The following TRERF1 variants were observed in gnomAD, a reference collection of about 807,000 sequenced individuals.
TRERF1 encodes transcriptional regulating factor 1.
In TRERF1, 27 loss-of-function variants were observed where a neutral mutation model predicts 122.9. The observed-to-expected ratio is 0.22, with a 90% CI of 0.16 to 0.30. The LOEUF (loss-of-function observed/expected upper bound fraction) is 0.30. Ranked by LOEUF, TRERF1 falls within the 10% of genes least tolerant of loss-of-function variation. TRERF1 has a pLI of 1.00. For missense variants in TRERF1, 1,248 were observed against 1,560.3 expected, an observed-to-expected ratio of 0.80 and a Z score of 3.37; for synonymous variants, 636 against 641.7, an observed-to-expected ratio of 0.99 and a Z score of 0.13.
intron 3 of TRERF1, among the ~76,000 whole-genome samples, chr6:42,312,242 A>G (rs1404593510): frequency 6.6e-6 from 1 of 152,128 alleles, no homozygotes; most frequent in Non-Finnish European, 1.5e-5. Context: ...GTCTGAATGG[A>G]ACCTTCCTAT....
chr6:42,378,422 G>A (rs1020612004), intron 2 of TRERF1, among the ~76,000 whole-genome samples: 10 of 150,838 alleles, frequency 6.6e-5, no homozygotes, highest in South Asian at 4.2e-4. Flanking sequence ...TAAAGTAACC[G>A]GCACTGAGAA....
At chr6:42,304,679 C>A (rs886656923) in intron 3 of TRERF1, among the ~76,000 whole-genome samples, 4 of 152,214 alleles carry the variant, frequency 2.6e-5, no homozygotes, top group Admixed American at 2.6e-4. Context: ...ATCCAGATAC[C>A]TGGCCCCTAC....
intron 16 of TRERF1, among the ~76,000 whole-genome samples, 191 bp from the exon 17 acceptor site, chr6:42,233,119 A>G (rs1770957496): frequency 6.6e-6 from 1 of 152,138 alleles, no homozygotes; most frequent in African/African-American, 2.4e-5. Flanking sequence ...AGAAGAGAAG[A>G]AGCGACGTGG....
At chr6:42,397,186 C>T (rs771712208) in intron 2 of TRERF1, among the ~76,000 whole-genome samples, 3 of 152,108 alleles carry the variant, frequency 2.0e-5, no homozygotes, top group Non-Finnish European at 4.4e-5. Flanking sequence ...AGGAAGGAGA[C>T]AGAGGGCATC....
chr6:42,321,456 T>C (rs111573130), intron 3 of TRERF1, among the ~76,000 whole-genome samples: 102 of 151,850 alleles, frequency 6.7e-4, no homozygotes, highest in Middle Eastern at 3.4e-3. Context: ...AAAAAGGCAA[T>C]GAGAAAGTCT....
Position 42,269,509 on chromosome 6 carries a change from C to G in TRERF1, c.82G>C (p.Val28Leu), listed in dbSNP as rs762330514. 6.2e-7 allele frequency: 1 copy of G among 1,614,072 alleles called. No individual in the cohort carries two copies. Among genetic ancestry groups the G allele is most frequent in the South Asian group, 1.1e-5 (1 of 91,088 alleles). The change falls in exon 5 of 18, where the codon GTC becomes CTC. Residue 28 changes from valine to leucine, a missense_variant. By Grantham distance (32) the Val-to-Leu change is conservative (BLOSUM62 1). Coordinates refer to ENST00000372922, the Ensembl canonical transcript of TRERF1. The surrounding 1 kb of genome is among the most constrained non-coding windows in gnomAD (Gnocchi z 4.9). ...TAGTTGTGGTTCAGCCCGCTGTGGA[C>G]GCCAAGTGGTGGCTGTTGGTAGAAA... is the stretch of plus-strand genomic sequence containing the variant.
intron 3 of TRERF1, among the ~76,000 whole-genome samples, chr6:42,322,602 TA>T (rs2150474180): frequency 6.6e-6 from 1 of 152,010 alleles, no homozygotes; most frequent in African/African-American, 2.4e-5. Flanking sequence ...AGAGTTTAAA[TA>T]AAAATAATTT....
intron 4 of TRERF1, among the ~76,000 whole-genome samples, chr6:42,290,819 G>C (rs998640186): frequency 6.9e-6 from 1 of 145,136 alleles, no homozygotes; most frequent in Non-Finnish European, 1.5e-5. Context: ...CTGGGATGGG[G>C]AAATCAGTGC....
chr6:42,420,067 G>A (rs921567679), intron 2 of TRERF1, among the ~76,000 whole-genome samples: 17 of 152,016 alleles, frequency 1.1e-4, no homozygotes, highest in African/African-American at 3.6e-4. Context: ...AACCTCTAGC[G>A]CCCTCTTTCT....
intron 15 of TRERF1, among the ~76,000 whole-genome samples, chr6:42,241,133 C>G (rs770161906): frequency 6.6e-6 from 1 of 152,162 alleles, no homozygotes; most frequent in African/African-American, 2.4e-5. Context: ...ATCCACCTAC[C>G]TTGGCCTCCC....
Position 42,375,964 on chromosome 6 carries a change from T to C in TRERF1, c.-453-12885A>G, listed in dbSNP as rs539447471. On this transcript the variant is annotated intron_variant, in intron 2 of 17. Coordinates refer to ENST00000372922, the Ensembl canonical transcript of TRERF1. Reference sequence around the variant, plus strand: ...GAAGAAATGAAACCCGATTAGAAGCTGTCTCCTCCTGGCAGCCTCACAAGT... The same window carrying C: ...GAAGAAATGAAACCCGATTAGAAGCCGTCTCCTCCTGGCAGCCTCACAAGT... 1.1e-3 allele frequency among the ~76,000 whole-genome samples: 166 copies of C among 152,286 alleles called. 4 individuals carry two copies. In the South Asian group the frequency reaches 0.033, roughly 30 times the overall value.
rs1420096493 is a variant in TRERF1, at chr6:42,262,530, A to C, written c.1884+790T>G. Among the ~76,000 whole-genome samples the C allele has an allele frequency of 2.8e-3, 153 of 54,956 alleles. 16 individuals carry two copies. Among genetic ancestry groups the C allele is most frequent in the South Asian group, 0.013 (12 of 940 alleles). The allele number at this position is 54,956 out of a possible 152,430, so 36.1% of individuals were successfully genotyped here. A position where few individuals can be genotyped will look rare whatever the true frequency, so the allele number is the denominator to read the frequency against. On this transcript the variant is annotated intron_variant, in intron 8 of 17. Coordinates refer to ENST00000372922, the Ensembl canonical transcript of TRERF1. ...GAGAGAGAGAGAGAGAGAGAGAGAG[A>C]GAGAGAGAGAGAGAGAGAGAGAGAG... is the stretch of plus-strand genomic sequence containing the variant.
At chr6:42,450,592 A>T (rs1788300380) in intron 2 of TRERF1, among the ~76,000 whole-genome samples, 1 of 152,246 alleles carries the variant, frequency 6.6e-6, no homozygotes, top group African/African-American at 2.4e-5. Context: ...AGTGCTGGCC[A>T]GAGGCTGCCT....
chr6:42,383,774 A>G (rs1016587831), intron 2 of TRERF1, among the ~76,000 whole-genome samples: 4 of 152,220 alleles, frequency 2.6e-5, no homozygotes, highest in Non-Finnish European at 4.4e-5. Context: ...CAAATCTAAA[A>G]GACTTGGAAA....
intron 3 of TRERF1, among the ~76,000 whole-genome samples, chr6:42,318,211 C>T (rs1438615995): frequency 6.6e-6 from 1 of 152,012 alleles, no homozygotes; most frequent in East Asian, 1.9e-4. Context: ...TAATAATCCA[C>T]TCTAACGCTA....
chr6:42,401,993 T>TA (rs1246450657), intron 2 of TRERF1, among the ~76,000 whole-genome samples: 2 of 152,214 alleles, frequency 1.3e-5, no homozygotes, highest in Admixed American at 6.5e-5. Context: ...GTCCTTTTAT[T>TA]AAAAATTAAT....
chr6:42,352,304 C>T (rs1290728800), intron 3 of TRERF1, among the ~76,000 whole-genome samples: 2 of 152,216 alleles, frequency 1.3e-5, no homozygotes, highest in Admixed American at 1.3e-4. Context: ...CTCATAATTT[C>T]GTGCTTTAAT....
Position 42,269,394 on chromosome 6 carries a change from C to T in TRERF1, c.197G>A (p.Gly66Asp), listed in dbSNP as rs1318067752. The stretch of plus-strand genomic sequence containing the variant: ...AAGGTTTTTGGAGCCAACAGGCAAG[C>T]CCAGACCATCCCGTGTATCTTGAGG... The change falls in exon 5 of 18, where the codon GGC becomes GAC. Residue 66 changes from glycine to aspartate, a missense_variant. Transcript: ENST00000372922. The surrounding 1 kb of genome is among the most constrained non-coding windows in gnomAD (Gnocchi z 4.9). The T allele has an allele frequency of 1.2e-6, 2 of 1,614,220 alleles. No individual in the cohort carries two copies. The highest frequency in any genetic ancestry group is 2.2e-5 in the South Asian group (2 of 91,088).
chr6:42,348,931 C>T (rs115904796), intron 3 of TRERF1, among the ~76,000 whole-genome samples: 232 of 152,302 alleles, frequency 1.5e-3, no homozygotes, highest in African/African-American at 5.5e-3. Context: ...GTCCCAGCTC[C>T]ACCACTGCAA....
Sources: gnomAD v4.1 joint callset for allele counts (sites outside exome capture counted in the v4.1 genomes callset) on GRCh38, gnomAD v4.1.1 for gene constraint, Gnocchi (gnomAD v3.1) non-coding constraint, MANE v1.5 for transcripts, NCBI Gene and HGNC (gene_info 2026-07-23, HGNC 2026-07-21) for gene names.